IKBKB: variants seen among roughly 807,000 people sequenced by gnomAD.
IKBKB encodes inhibitor of nuclear factor kappa-B kinase subunit beta.
Under a neutral mutation model 113.6 loss-of-function variants are expected in IKBKB, and 42 were observed. The ratio of observed to expected loss-of-function variants is 0.37; its 90% CI spans 0.29 to 0.48. IKBKB has a LOEUF of 0.48. Among genes scored for constraint, IKBKB ranks in the 20% least tolerant of loss-of-function variants. The probability of loss-of-function intolerance (pLI) is 0.99; values close to 1 mark genes in which losing one functional copy is unlikely to be tolerated. For missense variants in IKBKB, 673 were observed against 939.7 expected, an observed-to-expected ratio of 0.72 and a Z score of 3.71; for synonymous variants, 296 against 361.3, an observed-to-expected ratio of 0.82 and a Z score of 2.05.
intron 8 of IKBKB, among the ~76,000 whole-genome samples, chr8:42,313,709 A>T (rs1818157028): frequency 6.6e-6 from 1 of 152,238 alleles, no homozygotes; most frequent in African/African-American, 2.4e-5. Flanking sequence ...AAAGCCAAGG[A>T]TGAGATAAGG....
intron 9 of IKBKB, 80 bp downstream of exon 9, chr8:42,314,509 TCACA>T: frequency 2.2e-6 from 2 of 909,374 alleles, no homozygotes. Flanking sequence ...CCGTGGTGGC[TCACA>T]CCTGTAATCC....
At chr8:42,320,974 C>A (rs1819673342) in intron 16 of IKBKB, 130 bp downstream of exon 16, 8 of 531,786 alleles carry the variant, frequency 1.5e-5, no homozygotes, top group South Asian at 2.7e-5. Context: ...CCTGTGGGGT[C>A]ACTTCCAGCA....
chr8:42,299,394 C>G (rs1814655650), intron 5 of IKBKB, among the ~76,000 whole-genome samples: 1 of 152,202 alleles, frequency 6.6e-6, no homozygotes, highest in Non-Finnish European at 1.5e-5. Flanking sequence ...ACAGTCCACT[C>G]TTAGATAAAG....
intron 4 of IKBKB, among the ~76,000 whole-genome samples, chr8:42,292,208 G>C (rs182354223): frequency 3.3e-4 from 50 of 152,318 alleles, no homozygotes; most frequent in Admixed American, 1.1e-3. Flanking sequence ...TTGTAGTCAA[G>C]TGGAGACTTC....
intron 21 of IKBKB, chr8:42,330,029 TG>T: frequency 1.0e-6 from 1 of 985,448 alleles, no homozygotes; most frequent in Non-Finnish European, 1.2e-6. Flanking sequence ...CTCCTCCTCC[TG>T]GCATGATAAT....
chr8:42,325,951 T>G lies in IKBKB; in HGVS notation c.1987-19T>G. 6.2e-7 allele frequency: 1 copy of G among 1,613,178 alleles called. No homozygotes were observed. Among genetic ancestry groups the G allele is most frequent in the Non-Finnish European group, 8.5e-7 (1 of 1,179,616 alleles). On this transcript the variant is annotated intron_variant, in intron 19 of 21. Coordinates refer to ENST00000520810, the MANE Select transcript of IKBKB (RefSeq NM_001556.3). ...GATTCATCACTTGGCTCCTAATTTCTTTTGATTTTGTCCCCTAGAGCAAGG... is the reference window on the plus strand; with the variant it reads ...GATTCATCACTTGGCTCCTAATTTCGTTTGATTTTGTCCCCTAGAGCAAGG...
At chr8:42,318,369 T>C (rs1819095651) in intron 12 of IKBKB, among the ~76,000 whole-genome samples, 183 bp from the exon 13 acceptor site, 2 of 152,218 alleles carry the variant, frequency 1.3e-5, no homozygotes. Flanking sequence ...TGACCACTGG[T>C]ACATGCTGTT....
rs201494261 is a variant in IKBKB, at chr8:42,318,666, G to A, written c.1355G>A (p.Arg452Gln). ...EDCNRLQQGQ[R>Q]AAMMNLLRNN... The stretch of plus-strand genomic sequence containing the variant: ...TGCAACCGGCTGCAGCAGGGACAGC[G>A]AGCCGCCATGTAGCGTGCCAGGCTT... Residue 452 changes from arginine to glutamine, a missense_variant, in exon 13 of 22, where the codon CGA becomes CAA. Arg to Gln is a conservative substitution (Grantham distance 43). Transcript: ENST00000520810. 5 of 1,612,600 alleles carry A rather than the reference G, an allele frequency of 3.1e-6. No homozygotes were observed. The highest frequency in any genetic ancestry group is 4.2e-6 in the Non-Finnish European group (5 of 1,179,008).
chr8:42,312,121 C>T (rs942372971), intron 8 of IKBKB, among the ~76,000 whole-genome samples: 10 of 152,154 alleles, frequency 6.6e-5, no homozygotes, highest in African/African-American at 2.2e-4. Flanking sequence ...CTCCTGACCT[C>T]GTGAACTGCC....
At chr8:42,326,223 T>A (rs906420866) in intron 20 of IKBKB, 126 bp downstream of exon 20, 61 of 1,182,680 alleles carry the variant, frequency 5.2e-5, no homozygotes, top group South Asian at 3.6e-4. Context: ...GTTTGTTGCA[T>A]CTGCTGGGTC....
chr8:42,305,437 A>AT (rs1391995364), intron 6 of IKBKB, among the ~76,000 whole-genome samples, 162 bp downstream of exon 6: 1 of 152,144 alleles, frequency 6.6e-6, no homozygotes, highest in Non-Finnish European at 1.5e-5. Flanking sequence ...TTGAGCAAAA[A>AT]AGTTGTTGCA....
At chr8:42,298,138 A>G (rs1191979883) in intron 5 of IKBKB, 9 of 985,220 alleles carry the variant, frequency 9.1e-6, no homozygotes, top group African/African-American at 1.7e-5. Flanking sequence ...AAACATTGGC[A>G]TGTGTTTTCT....
chr8:42,328,057 G>T (rs1171021972), intron 20 of IKBKB, among the ~76,000 whole-genome samples: 1 of 46,372 alleles, frequency 2.2e-5, no homozygotes, highest in African/African-American at 3.4e-5. Context: ...TGATCCACCC[G>T]CCTCGGCCTC....
intron 2 of IKBKB, 83 bp from the exon 3 acceptor site, chr8:42,288,551 C>T (rs1350409433): frequency 3.8e-6 from 4 of 1,055,694 alleles, no homozygotes; most frequent in Admixed American, 4.2e-5. Context: ...CGCTTGGGGC[C>T]TGGAGACCCC....
chr8:42,277,200 T>G (rs1325412391), intron 2 of IKBKB, among the ~76,000 whole-genome samples: 2 of 146,874 alleles, frequency 1.4e-5, no homozygotes, highest in Non-Finnish European at 3.0e-5. Context: ...TTTTTTTTTT[T>G]GCAACGGAGT....
At chr8:42,330,015 T>C (rs963253684) in intron 21 of IKBKB, 2 of 985,374 alleles carry the variant, frequency 2.0e-6, no homozygotes, top group African/African-American at 3.5e-5. Context: ...TATCTCTTGC[T>C]GCTCTCCTCC....
intron 2 of IKBKB, among the ~76,000 whole-genome samples, chr8:42,288,368 C>T (rs1811854066): frequency 7.0e-6 from 1 of 143,290 alleles, no homozygotes; most frequent in South Asian, 2.3e-4. Flanking sequence ...GCTTGGGCGA[C>T]AGAGCAAGAC....
At chr8:42,323,339 G>A (rs983129698) in intron 19 of IKBKB, among the ~76,000 whole-genome samples, 9 of 152,372 alleles carry the variant, frequency 5.9e-5, no homozygotes, top group African/African-American at 1.9e-4. Flanking sequence ...ACTGCCCTCA[G>A]TGCAGTAAGC....
At chr8:42,288,583 G>C in intron 2 of IKBKB, 51 bp from the exon 3 acceptor site, 1 of 1,433,704 alleles carries the variant, frequency 7.0e-7, no homozygotes, top group South Asian at 1.2e-5. Context: ...AGACAGGGTG[G>C]GATTTGGCCT....
Sources: allele counts gnomAD v4.1 joint callset (sites outside exome capture counted in the v4.1 genomes callset), GRCh38; gene constraint gnomAD v4.1.1; transcripts MANE v1.5; gene names NCBI Gene and HGNC (gene_info 2026-07-23, HGNC 2026-07-21).